FYN: variants seen among roughly 807,000 people sequenced by gnomAD.
FYN encodes FYN proto-oncogene, Src family tyrosine kinase.
In FYN, 10 loss-of-function variants were observed where a neutral mutation model predicts 70.2. The observed-to-expected ratio is 0.14, with a 90% CI of 0.09 to 0.24. The LOEUF (loss-of-function observed/expected upper bound fraction) is 0.24. Among genes scored for constraint, FYN ranks in the 10% least tolerant of loss-of-function variants. The probability of loss-of-function intolerance (pLI) is 1.00; values close to 1 mark genes in which losing one functional copy is unlikely to be tolerated. For synonymous variants in FYN, 236 were observed against 248.6 expected (o/e 0.95, Z 0.48); for missense variants, 319 against 673.1 (o/e 0.47, Z 5.82).
At chr6:111,864,952 C>T (rs1774064028) in intron 1 of FYN, among the ~76,000 whole-genome samples, 1 of 152,166 alleles carries the variant, frequency 6.6e-6, no homozygotes, top group Admixed American at 6.5e-5. Context: ...AAGCACCTAA[C>T]ACATGCCTCC....
intron 3 of FYN, among the ~76,000 whole-genome samples, chr6:111,747,989 T>A (rs191843224): frequency 8.7e-4 from 133 of 152,284 alleles, no homozygotes; most frequent in Non-Finnish European, 1.4e-3. Flanking sequence ...CCTCAGCCAG[T>A]TGGAAGTGGA....
At chr6:111,815,064 T>C (rs867354810) in intron 2 of FYN, among the ~76,000 whole-genome samples, 76 of 152,280 alleles carry the variant, frequency 5.0e-4, no homozygotes, top group African/African-American at 1.6e-3. Flanking sequence ...AAATTTAATA[T>C]AGGAAAATTT....
intron 2 of FYN, among the ~76,000 whole-genome samples, chr6:111,821,581 C>T (rs917576096): frequency 3.9e-5 from 6 of 152,168 alleles, no homozygotes; most frequent in Non-Finnish European, 5.9e-5. Context: ...TGGGTAATGA[C>T]TTCATGTCTA....
chr6:111,774,576 C>A (rs943481158), intron 3 of FYN, among the ~76,000 whole-genome samples: 9 of 152,088 alleles, frequency 5.9e-5, no homozygotes, highest in East Asian at 1.9e-4. Flanking sequence ...CCATCCCCCC[C>A]ACACACTCCC....
chr6:111,673,622 GTTTTTT>G (rs71021858), intron 13 of FYN, among the ~76,000 whole-genome samples: 3 of 116,558 alleles, frequency 2.6e-5, no homozygotes, highest in East Asian at 5.3e-4. Flanking sequence ...TTCTATCATT[GTTTTTT>G]TTTTTTTTTT....
At chr6:111,773,629 GA>G (rs1803586935) in intron 3 of FYN, among the ~76,000 whole-genome samples, 1 of 25,736 alleles carries the variant, frequency 3.9e-5, no homozygotes, top group African/African-American at 2.4e-4. Context: ...AGGGGGAAAG[GA>G]GAGGGGGAGG....
intron 2 of FYN, among the ~76,000 whole-genome samples, chr6:111,824,409 C>T (rs1772768748): frequency 6.6e-6 from 1 of 152,110 alleles, no homozygotes; most frequent in Admixed American, 6.5e-5. Context: ...GCAAAAGCTC[C>T]CTGTATACTA....
At chr6:111,830,957 G>A (rs748655312) in intron 2 of FYN, among the ~76,000 whole-genome samples, 14 of 152,084 alleles carry the variant, frequency 9.2e-5, no homozygotes, top group Non-Finnish European at 1.6e-4. Flanking sequence ...TAGGCAAGGG[G>A]GTGGAAGTGC....
rs1773366778 is a variant in FYN at position 111,841,807 on chromosome 6, G to C, written c.-82+4782C>G. ...TTTTTTTTTTTTGGAAATTCAAATT[G>C]GCAGAGGGTAGGTATATTTTTCTTC... On this transcript the variant is annotated intron_variant, in intron 2 of 13. Transcript: ENST00000354650. Among the ~76,000 whole-genome samples the C allele has an allele frequency of 3.4e-5, 5 of 148,072 alleles. No homozygotes were observed. In the South Asian group the frequency reaches 1.1e-3, roughly 31 times the overall value.
At chr6:111,817,169 T>G (rs903279013) in intron 2 of FYN, among the ~76,000 whole-genome samples, 2 of 152,228 alleles carry the variant, frequency 1.3e-5, no homozygotes, top group African/African-American at 4.8e-5. Context: ...TACCTGTGTA[T>G]ACAGGTGGGA....
chr6:111,714,347 G>A lies in FYN; in HGVS notation c.344C>T (p.Ser115Leu), dbSNP rs1417100825. 8 of 1,607,260 alleles carry A rather than the reference G, an allele frequency of 5.0e-6. No homozygotes were observed. Among genetic ancestry groups the A allele is most frequent in the East Asian group, 2.2e-5 (1 of 44,834 alleles). Residue 115 changes from serine (S) to leucine (L), a missense_variant and splice_region_variant, in exon 5 of 14, where the codon TCG becomes TTG. By Grantham distance (145) the Ser-to-Leu change is moderately radical (BLOSUM62 -2). Transcript: ENST00000354650. ...GCTTCTCCTCCCTCTCCAAACTTAC[G>A]AGCTGTTCAATATTTGAAATTTTTC... ...KGEKFQILNSSEGDWWEARSL... is the reference protein window; with the variant it reads ...KGEKFQILNSLEGDWWEARSL...
chr6:111,827,973 T>C lies in FYN; in HGVS notation c.-82+18616A>G, dbSNP rs534976132. ...GCCAGTAAAGATGCTGTCCAACCAGTGCAGTCCAAAACAACCTCAGCACCA... is the reference window on the plus strand; with the variant it reads ...GCCAGTAAAGATGCTGTCCAACCAGCGCAGTCCAAAACAACCTCAGCACCA... On this transcript the variant is annotated intron_variant, in intron 2 of 13. Transcript: ENST00000354650. Among the ~76,000 whole-genome samples the C allele has an allele frequency of 2.6e-5, 4 of 152,286 alleles. No individual in the cohort carries two copies. In the South Asian group the frequency reaches 6.2e-4, roughly 24 times the overall value.
chr6:111,844,693 T>C (rs917739667), intron 2 of FYN: 5 of 152,180 alleles, frequency 3.3e-5, no homozygotes, highest in Non-Finnish European at 7.3e-5. Flanking sequence ...CTTACAGACA[T>C]CCACACCACG....
rs756017973 is a variant in FYN at position 111,857,464 on chromosome 6, AACCT to A, written c.-122-10839_-122-10836del. On this transcript the variant is annotated intron_variant, in intron 1 of 13. Transcript: ENST00000354650. ...AATCTCACACTTCTTGCCCCAAATG[AACCT>A]AGGACAGGTATACTAAGCCACGATT... is the stretch of plus-strand genomic sequence containing the variant. Among the ~76,000 whole-genome samples the A allele has an allele frequency of 3.2e-3, 491 of 152,326 alleles. 1 individual carries two copies. Among genetic ancestry groups the A allele is most frequent in the Non-Finnish European group, 4.9e-3 (332 of 68,028 alleles).
chr6:111,777,597 C>T (rs1314504669), intron 3 of FYN, among the ~76,000 whole-genome samples: 1 of 152,042 alleles, frequency 6.6e-6, no homozygotes, highest in African/African-American at 2.4e-5. Context: ...TGTGACAACC[C>T]AAAATGGCTT....
At chr6:111,766,296 C>T (rs1803225682) in intron 3 of FYN, among the ~76,000 whole-genome samples, 1 of 152,130 alleles carries the variant, frequency 6.6e-6, no homozygotes, top group African/African-American at 2.4e-5. Context: ...AATGCCCTGC[C>T]CTTCCTGCCA....
At chr6:111,812,408 T>C (rs1772354371) in intron 2 of FYN, among the ~76,000 whole-genome samples, 1 of 152,188 alleles carries the variant, frequency 6.6e-6, no homozygotes, top group African/African-American at 2.4e-5. Context: ...TGCCTTCGTC[T>C]ACTCTACTGG....
At chr6:111,667,219 CTT>C (rs1562459698) in intron 13 of FYN, among the ~76,000 whole-genome samples, 1 of 151,992 alleles carries the variant, frequency 6.6e-6, no homozygotes, top group East Asian at 1.9e-4. Context: ...GTAGTCTTCC[CTT>C]TTTCCTTTTA....
At chr6:111,805,032 C>G (rs1199116432) in intron 2 of FYN, among the ~76,000 whole-genome samples, 1 of 152,012 alleles carries the variant, frequency 6.6e-6, no homozygotes, top group Non-Finnish European at 1.5e-5. Flanking sequence ...CCTGCTTCAG[C>G]CTTTCTAACA....
Sources: allele counts gnomAD v4.1 joint callset (sites outside exome capture counted in the v4.1 genomes callset), GRCh38; gene constraint gnomAD v4.1.1; transcripts MANE v1.5; gene names NCBI Gene and HGNC (gene_info 2026-07-23, HGNC 2026-07-21).